Variants in DSC2 observed in about 807,000 individuals in gnomAD.
DSC2 encodes desmocollin 2, also known as desmocollin-2.
In DSC2, 51 loss-of-function variants were observed where a neutral mutation model predicts 87.6. The observed-to-expected ratio is 0.58, with a 90% CI of 0.46 to 0.74. The LOEUF (loss-of-function observed/expected upper bound fraction) is 0.74. Ranked by LOEUF, DSC2 falls within the 30% of genes least tolerant of loss-of-function variation. DSC2 has a pLI of 0.00. For synonymous variants in DSC2, 383 were observed against 393.2 expected (o/e 0.97, Z 0.31); for missense variants, 1,066 against 1,089.5 (o/e 0.98, Z 0.30).
At position 31,093,635 on chromosome 18, in the gene DSC2, T is replaced by C. The variant is rs1304893383; in HGVS notation, c.78A>G (p.Ile26Met). Residue 26 changes from isoleucine (I) to methionine (M), a missense_variant, in exon 2 of 16, where the codon ATA becomes ATG. Coordinates refer to ENST00000280904, the MANE Select transcript of DSC2 (RefSeq NM_024422.6). ...RLLLLTLAIL[I>M]FASDACKNVT... ...CATTTTTGCAGGCATCACTGGCAAATATTAAGATCTAAAAAATGAAAAAAA... is the reference window on the plus strand; with the variant it reads ...CATTTTTGCAGGCATCACTGGCAAACATTAAGATCTAAAAAATGAAAAAAA... The C allele has an allele frequency of 1.3e-6, 2 of 1,584,554 alleles. No individual in the cohort carries two copies. The highest frequency in any genetic ancestry group is 1.7e-4 in the Middle Eastern group (1 of 5,932).
Position 31,067,403 on chromosome 18 carries a change from C to A in DSC2, c.*612G>T, listed in dbSNP as rs1986659806. On this transcript the variant is annotated 3_prime_UTR_variant, in exon 16 of 16. Coordinates refer to ENST00000280904, the MANE Select transcript of DSC2 (RefSeq NM_024422.6). Reference sequence around the variant, plus strand: ...AAATTTCACTGGCAAAAGTAGGTAACAGAGGAGACACAGATTCAGTGCAGG... The same window carrying A: ...AAATTTCACTGGCAAAAGTAGGTAAAAGAGGAGACACAGATTCAGTGCAGG... 6.6e-6 allele frequency: 1 copy of A among 152,082 alleles called. No individual in the cohort carries two copies. Among genetic ancestry groups the A allele is most frequent in the Admixed American group, 6.5e-5 (1 of 15,270 alleles). The allele number at this position is 152,082 out of a possible 1,614,324, so 9.4% of individuals were successfully genotyped here. A position where few individuals can be genotyped will look rare whatever the true frequency, so the allele number is the denominator to read the frequency against.
rs1265697106 is a variant in DSC2, at chr18:31,066,120, G to T, written c.*1895C>A. On this transcript the variant is annotated 3_prime_UTR_variant, in exon 16 of 16. Coordinates refer to ENST00000280904, the MANE Select transcript of DSC2 (RefSeq NM_024422.6). Reference sequence around the variant, plus strand: ...CTGTTATTATCCCCCATTTTAAAATGATGAAAATGGACAAAGCAAAAGCAA... The same window carrying T: ...CTGTTATTATCCCCCATTTTAAAATTATGAAAATGGACAAAGCAAAAGCAA... 2.0e-5 allele frequency: 3 copies of T among 152,150 alleles called. No individual in the cohort carries two copies. The highest frequency in any genetic ancestry group is 4.4e-5 in the Non-Finnish European group (3 of 68,018). The allele number at this position is 152,150 out of a possible 1,614,324, so 9.4% of individuals were successfully genotyped here.
intron 13 of DSC2, among the ~76,000 whole-genome samples, chr18:31,071,252 G>A (rs1349355724): frequency 6.6e-6 from 1 of 152,072 alleles, no homozygotes; most frequent in African/African-American, 2.4e-5. Context: ...TTCTTAGAAT[G>A]TGTCTTGAAA....
In DSC2 at chr18:31,091,005, A is replaced by C. The variant is rs372315935; in HGVS notation, c.474+23T>G. On this transcript the variant is annotated intron_variant, in intron 4 of 15. Transcript: ENST00000280904. ...AGAGATGGAAACTATAGACTCCCAC[A>C]GCAGAAAGAAAGAAAACGGTACCTG... 13 of 1,613,810 alleles carry C rather than the reference A, an allele frequency of 8.1e-6. No individual in the cohort carries two copies. In the African/African-American group the frequency reaches 1.7e-4, roughly 22 times the overall value.
rs774511321 is a variant in DSC2 at position 31,092,064 on chromosome 18, A to G, written c.354+37T>C. ...TGGTAATGTTGATTACGTCTGAAGAAAAGATATCATTTCTTCATTTATGTA... is the reference window on the plus strand; with the variant it reads ...TGGTAATGTTGATTACGTCTGAAGAGAAGATATCATTTCTTCATTTATGTA... On this transcript the variant is annotated intron_variant, in intron 3 of 15. Coordinates refer to ENST00000280904, the MANE Select transcript of DSC2 (RefSeq NM_024422.6). 27 of 1,578,536 alleles carry G rather than the reference A, an allele frequency of 1.7e-5. No individual in the cohort carries two copies. The South Asian group carries it at 2.8e-4, about 16-fold the overall frequency.
At position 31,078,892 on chromosome 18, in the gene DSC2, A is replaced by T. The variant is rs920835487; in HGVS notation, c.1663+955T>A. On this transcript the variant is annotated intron_variant, in intron 11 of 15. Coordinates refer to ENST00000280904, the MANE Select transcript of DSC2 (RefSeq NM_024422.6). The stretch of plus-strand genomic sequence containing the variant: ...ATGCACCAAACGCGTCTCATAAATA[A>T]TCATCATACTCATATTTCTCTCAAT... Among the ~76,000 whole-genome samples the T allele has an allele frequency of 2.6e-5, 4 of 152,180 alleles. No homozygotes were observed. In the East Asian group the frequency reaches 7.7e-4, roughly 29 times the overall value.
Position 31,082,322 on chromosome 18 carries a change from A to G in DSC2, c.1179T>C (p.Tyr393=), listed in dbSNP as rs2144819196. The G allele has an allele frequency of 1.2e-6, 2 of 1,613,938 alleles. No homozygotes were observed. Among genetic ancestry groups the G allele is most frequent in the African/African-American group, 1.3e-5 (1 of 75,052 alleles). Residue 393 remains tyrosine, a synonymous_variant, in exon 9 of 16, where the codon TAT becomes TAC. Transcript: ENST00000280904. The part of the protein sequence containing the change: ...LVNTANWRAN[Y]TILKGNENGN... ...CATTTTCATTGCCCTTTAAAATGGT[A>G]TAATTAGCTCTCCAGTTAGCAGTAT...
chr18:31,070,614 G>A, intron 14 of DSC2, 112 bp downstream of exon 14: 1 of 1,428,916 alleles, frequency 7.0e-7, no homozygotes, highest in Non-Finnish European at 9.7e-7. Flanking sequence ...GACATTCTAT[G>A]GTAAATTGCC....
intron 2 of DSC2, among the ~76,000 whole-genome samples, chr18:31,092,804 G>A (rs1598591824): frequency 1.3e-5 from 2 of 151,996 alleles, no homozygotes; most frequent in East Asian, 3.9e-4. Flanking sequence ...ACAATACAGA[G>A]TGAAATATTT....
chr18:31,101,303 CAG>C, intron 1 of DSC2: 2 of 964,896 alleles, frequency 2.1e-6, no homozygotes, highest in Non-Finnish European at 1.2e-6. Flanking sequence ...GCCCTTCTCT[CAG>C]AGTAAACAAT....
chr18:31,090,182 C>T (rs1987545793), intron 4 of DSC2, among the ~76,000 whole-genome samples: 1 of 152,156 alleles, frequency 6.6e-6, no homozygotes. Context: ...CTGTGTTCAT[C>T]CTCTCAGTAA....
intron 7 of DSC2, among the ~76,000 whole-genome samples, chr18:31,083,512 A>C (rs1427125466): frequency 6.6e-6 from 1 of 152,238 alleles, no homozygotes; most frequent in African/African-American, 2.4e-5. Context: ...TAATTAATCA[A>C]AACCTTTATC....
intron 1 of DSC2, among the ~76,000 whole-genome samples, chr18:31,097,065 G>A (rs1402211411): frequency 6.6e-6 from 1 of 151,884 alleles, no homozygotes; most frequent in East Asian, 1.9e-4. Flanking sequence ...GGCAGATCAC[G>A]AGGTCAGGAG....
rs1555641322 is a variant in DSC2 at position 31,101,942 on chromosome 18, C to A, written c.30G>T (p.Trp10Cys). MEAARPSGS[W>C]NGALCRLLLL... ...GGAGCAGCCGGCAGAGGGCTCCGTTCCAGGAGCCGGAGGGGCGGGCTGCCT... is the reference window on the plus strand; with the variant it reads ...GGAGCAGCCGGCAGAGGGCTCCGTTACAGGAGCCGGAGGGGCGGGCTGCCT... The change falls in exon 1 of 16, where the codon TGG (tryptophan) becomes TGT (cysteine). Residue 10 changes from tryptophan (W) to cysteine (C), a missense_variant. Coordinates refer to ENST00000280904, the MANE Select transcript of DSC2 (RefSeq NM_024422.6). 2.6e-6 allele frequency: 4 copies of A among 1,528,920 alleles called. No individual in the cohort carries two copies. Among genetic ancestry groups the A allele is most frequent in the Non-Finnish European group, 3.5e-6 (4 of 1,143,398 alleles). The allele number at this position is 1,528,920 out of a possible 1,614,324, so 94.7% of individuals were successfully genotyped here.
intron 1 of DSC2, among the ~76,000 whole-genome samples, chr18:31,098,776 C>G (rs1987844055): frequency 6.6e-6 from 1 of 152,126 alleles, no homozygotes; most frequent in African/African-American, 2.4e-5. Flanking sequence ...TTTTATTTGT[C>G]AATCCCATTA....
At chr18:31,076,229 G>A (rs1987013110) in intron 11 of DSC2, among the ~76,000 whole-genome samples, 1 of 152,108 alleles carries the variant, frequency 6.6e-6, no homozygotes, top group Non-Finnish European at 1.5e-5. Context: ...AACTAGACTC[G>A]TGATAGAGCC....
Position 31,068,085 on chromosome 18 carries a change from T to C in DSC2, c.2636A>G (p.Asp879Gly), listed in dbSNP as rs143342988. 1.2e-4 allele frequency: 200 copies of C among 1,614,018 alleles called. No homozygotes were observed. The African/African-American group carries it at 2.3e-3, about 19-fold the overall frequency. ...CAAATTATCCAAAAATTCAAGCCCATCTTCTTCTTGTCGTTCACTGCAACA... is the reference window on the plus strand; with the variant it reads ...CAAATTATCCAAAAATTCAAGCCCACCTTCTTCTTGTCGTTCACTGCAACA... Reference protein sequence around the residue: ...VGCCSERQEEDGLEFLDNLEP... With the variant: ...VGCCSERQEEGGLEFLDNLEP... Residue 879 changes from aspartate to glycine, a missense_variant, in exon 16 of 16, where the codon GAT becomes GGT. By Grantham distance (94) the Asp-to-Gly change is moderately conservative. Transcript: ENST00000280904.
intron 7 of DSC2, among the ~76,000 whole-genome samples, chr18:31,085,399 A>C (rs1987363038): frequency 6.6e-6 from 1 of 152,026 alleles, no homozygotes; most frequent in East Asian, 1.9e-4. Flanking sequence ...AAGAAGAAAA[A>C]GTGTAACAAT....
rs727504868 is a variant in DSC2, at chr18:31,082,915, C to T, written c.1077+11G>A. 2 of 1,612,524 alleles carry T rather than the reference C, an allele frequency of 1.2e-6. No homozygotes were observed. The highest frequency in any genetic ancestry group is 8.5e-7 in the Non-Finnish European group (1 of 1,179,500). On this transcript the variant is annotated intron_variant, in intron 8 of 15. Coordinates refer to ENST00000280904, the MANE Select transcript of DSC2 (RefSeq NM_024422.6). ...CTATACATTTTTCTTTAATTAATATCATACACTTACAGAAGTACGAGTAAA... is the reference window on the plus strand; with the variant it reads ...CTATACATTTTTCTTTAATTAATATTATACACTTACAGAAGTACGAGTAAA...
Sources: gnomAD v4.1 joint callset for allele counts (sites outside exome capture counted in the v4.1 genomes callset) on GRCh38, gnomAD v4.1.1 for gene constraint, MANE v1.5 for transcripts, NCBI Gene and HGNC (gene_info 2026-07-23, HGNC 2026-07-21) for gene names.